NOL4: variants seen among roughly 807,000 people sequenced by gnomAD.
NOL4 encodes the protein nucleolar protein 4.
In NOL4, 17 loss-of-function variants were observed where a neutral mutation model predicts 75.9. The observed-to-expected ratio is 0.22, with a 90% CI of 0.15 to 0.34. NOL4 has a LOEUF of 0.34. Ranked by LOEUF, NOL4 falls within the 10% of genes least tolerant of loss-of-function variation. The probability of loss-of-function intolerance (pLI) is 1.00; values close to 1 mark genes in which losing one functional copy is unlikely to be tolerated. For synonymous variants in NOL4, 292 were observed against 289.9 expected, an observed-to-expected ratio of 1.01 and a Z score of -0.07; for missense variants, 614 against 793.5, an observed-to-expected ratio of 0.77 and a Z score of 2.72.
intron 8 of NOL4, among the ~76,000 whole-genome samples, chr18:33,953,244 T>TTTTTTTTTTTTTTTTTTTTTTTTTGAG (rs1555671903): frequency 4.7e-5 from 7 of 149,422 alleles, no homozygotes; most frequent in South Asian, 2.1e-4. Context: ...AGGATATTTT[T>TTTTTTTTTTTTTTTTTTTTTTTTTGAG]AAACTGCAAA....
chr18:33,878,281 T>G (rs1438778202), intron 10 of NOL4, among the ~76,000 whole-genome samples: 1 of 152,112 alleles, frequency 6.6e-6, no homozygotes, highest in African/African-American at 2.4e-5. Context: ...AAAATACTCT[T>G]TCAAAGTGTT....
chr18:34,193,020 A>G (rs2035034814), intron 1 of NOL4, among the ~76,000 whole-genome samples: 1 of 152,192 alleles, frequency 6.6e-6, no homozygotes, highest in Non-Finnish European at 1.5e-5. Flanking sequence ...GTAAGAAATA[A>G]ATTTCTAGTC....
rs754351723 is a variant in NOL4, at chr18:34,104,138, A to G, written c.548T>C (p.Leu183Ser). 2.5e-6 allele frequency: 4 copies of G among 1,610,914 alleles called. 1 individual carries two copies. In the South Asian group the frequency reaches 3.3e-5, roughly 13 times the overall value. Residue 183 changes from leucine (L) to serine (S), a missense_variant, in exon 4 of 11, where the codon TTG (leucine) becomes TCG (serine). Physicochemically the swap from Leu to Ser is moderately radical, Grantham distance 145. Transcript: ENST00000261592. ...GTTGTAGTCAATCATGCTGGTCACC[A>G]AAGTGGGAGGTTTTCCATTATCTGT... is the stretch of plus-strand genomic sequence containing the variant. ...DHKDNGKPPTLVTSMIDYNMP... is the reference protein window; with the variant it reads ...DHKDNGKPPTSVTSMIDYNMP...
intron 5 of NOL4, among the ~76,000 whole-genome samples, chr18:34,077,497 GTA>G (rs1225662760): frequency 2.6e-5 from 4 of 151,950 alleles, no homozygotes; most frequent in East Asian, 1.9e-4. Context: ...ACATATGCAT[GTA>G]TATATATGTA....
At chr18:34,144,278 C>G (rs1045942607) in intron 1 of NOL4, among the ~76,000 whole-genome samples, 4 of 152,058 alleles carry the variant, frequency 2.6e-5, no homozygotes, top group Non-Finnish European at 4.4e-5. Flanking sequence ...CCTGTTAGCT[C>G]TCATGAGTTA....
chr18:34,202,922 T>C (rs2035836037), intron 1 of NOL4, among the ~76,000 whole-genome samples: 1 of 152,002 alleles, frequency 6.6e-6, no homozygotes, highest in Non-Finnish European at 1.5e-5. Flanking sequence ...ACCACAGCAA[T>C]TGCACTCTTG....
At chr18:33,959,476 A>G (rs141842037) in intron 6 of NOL4, among the ~76,000 whole-genome samples, 248 of 152,230 alleles carry the variant, frequency 1.6e-3, no homozygotes, top group African/African-American at 5.6e-3. Context: ...TCAGCCATGT[A>G]CAGCATAACC....
intron 2 of NOL4, among the ~76,000 whole-genome samples, chr18:34,106,842 A>G (rs75127226): frequency 0.032 from 4,793 of 152,122 alleles, 78 homozygotes; most frequent in Middle Eastern, 0.048. Context: ...ATACTAATTC[A>G]GAAGAAAAAG....
At position 34,223,490 on chromosome 18, in the gene NOL4, C is replaced by G; in HGVS notation, c.-237G>C. The G allele has an allele frequency of 1.7e-6, 1 of 588,874 alleles. No individual in the cohort carries two copies. The highest frequency in any genetic ancestry group is 2.2e-5 in the South Asian group (1 of 46,080). The allele number at this position is 588,874 out of a possible 1,614,324, so 36.5% of individuals were successfully genotyped here. On this transcript the variant is annotated 5_prime_UTR_variant, in exon 1 of 11. Transcript: ENST00000261592. Reference sequence around the variant, plus strand: ...CCATTCGTAATTGCAACGGCTGTCTCGGACGTTTTTCCTGTTCCCTTAGCG... The same window carrying G: ...CCATTCGTAATTGCAACGGCTGTCTGGGACGTTTTTCCTGTTCCCTTAGCG...
At chr18:34,203,989 T>G (rs2035944091) in intron 1 of NOL4, among the ~76,000 whole-genome samples, 1 of 152,010 alleles carries the variant, frequency 6.6e-6, no homozygotes, top group African/African-American at 2.4e-5. Context: ...ATGTGACAAG[T>G]GCTGATAAGA....
At chr18:34,151,840 C>T (rs1280276106) in intron 1 of NOL4, among the ~76,000 whole-genome samples, 1 of 151,680 alleles carries the variant, frequency 6.6e-6, no homozygotes, top group Non-Finnish European at 1.5e-5. Flanking sequence ...CTCAGTATTG[C>T]TGTAAACCTG....
At chr18:34,218,389 C>T (rs955991488) in intron 1 of NOL4, among the ~76,000 whole-genome samples, 14 of 152,184 alleles carry the variant, frequency 9.2e-5, no homozygotes, top group South Asian at 8.3e-4. Context: ...GAAGAACCAA[C>T]GGAAAAATAA....
At chr18:33,974,682 C>T (rs1238501044) in intron 6 of NOL4, among the ~76,000 whole-genome samples, 2 of 151,878 alleles carry the variant, frequency 1.3e-5, no homozygotes, top group Non-Finnish European at 2.9e-5. Flanking sequence ...CACAGAGACA[C>T]AAAGGGAGCA....
chr18:33,912,657 T>G (rs914132234), intron 9 of NOL4, among the ~76,000 whole-genome samples: 1 of 152,112 alleles, frequency 6.6e-6, no homozygotes, highest in Non-Finnish European at 1.5e-5. Flanking sequence ...ATAGGGATGT[T>G]GTGTGGATTA....
intron 6 of NOL4, among the ~76,000 whole-genome samples, chr18:33,978,002 T>C (rs2071640835): frequency 6.6e-6 from 1 of 152,100 alleles, no homozygotes; most frequent in African/African-American, 2.4e-5. Flanking sequence ...GGGCTGGTGC[T>C]GGAACTGCAT....
chr18:33,968,766 C>T (rs745499983), intron 6 of NOL4, among the ~76,000 whole-genome samples: 2 of 151,964 alleles, frequency 1.3e-5, no homozygotes, highest in African/African-American at 4.8e-5. Context: ...ACATGTACCC[C>T]GGGAATCTAA....
At chr18:33,914,684 C>A (rs1282064856) in intron 9 of NOL4, among the ~76,000 whole-genome samples, 1 of 151,898 alleles carries the variant, frequency 6.6e-6, no homozygotes, top group South Asian at 2.1e-4. Context: ...GAAGGTAGTG[C>A]CAAAGGATTG....
intron 2 of NOL4, among the ~76,000 whole-genome samples, chr18:34,123,709 GAGAT>G (rs1223383077): frequency 2.8e-5 from 4 of 141,288 alleles, no homozygotes; most frequent in Admixed American, 2.1e-4. Context: ...TATATATAGA[GAGAT>G]AGATGGATAC....
intron 6 of NOL4, among the ~76,000 whole-genome samples, chr18:33,992,510 A>G (rs1373980920): frequency 6.6e-6 from 1 of 152,032 alleles, no homozygotes. Context: ...AACAGCTAAG[A>G]TTTAGTAATA....
Sources: allele counts gnomAD v4.1 joint callset (sites outside exome capture counted in the v4.1 genomes callset), GRCh38; gene constraint gnomAD v4.1.1; transcripts MANE v1.5; gene names NCBI Gene and HGNC (gene_info 2026-07-23, HGNC 2026-07-21).